TTC23: variants seen among roughly 807,000 people sequenced by gnomAD.
TTC23 encodes tetratricopeptide repeat domain 23.
A neutral mutation model predicts 55.1 loss-of-function variants in TTC23; 58 were observed. The observed-to-expected ratio is 1.05, with a 90% CI of 0.85 to 1.31. TTC23 has a LOEUF of 1.31. Among genes scored for constraint, TTC23 ranks in the 50% most tolerant of loss-of-function variants. The pLI is 0.00. For synonymous variants in TTC23, 203 were observed against 199.9 expected, an observed-to-expected ratio of 1.02 and a Z score of -0.13; for missense variants, 516 against 534.4, an observed-to-expected ratio of 0.97 and a Z score of 0.34.
At chr15:99,154,488 A>C (rs1292383471) in intron 12 of TTC23, among the ~76,000 whole-genome samples, 6 of 152,250 alleles carry the variant, frequency 3.9e-5, no homozygotes, top group African/African-American at 1.2e-4. Flanking sequence ...TGAAAGGCTG[A>C]GTTTGGCCTC....
chr15:99,220,803 T>C (rs1238721542), intron 6 of TTC23, among the ~76,000 whole-genome samples: 2 of 152,224 alleles, frequency 1.3e-5, no homozygotes. Flanking sequence ...ACAGAGATGC[T>C]CTTGTCCATC....
chr15:99,197,911 AAAAAAAG>A (rs1409268129), intron 9 of TTC23, among the ~76,000 whole-genome samples: 1 of 152,128 alleles, frequency 6.6e-6, no homozygotes, highest in African/African-American at 2.4e-5. Context: ...CAAACAAAAA[AAAAAAAG>A]AAAAAAGAAA....
chr15:99,154,715 T>A (rs1555498386), intron 12 of TTC23, among the ~76,000 whole-genome samples: 2 of 152,222 alleles, frequency 1.3e-5, no homozygotes, highest in Non-Finnish European at 2.9e-5. Flanking sequence ...TCTGATAATC[T>A]CCACTGATGC....
Position 99,139,320 on chromosome 15 carries a change from G to C in TTC23, c.1223C>G (p.Ser408Cys). The change falls in exon 13 of 14, where the codon TCC becomes TGC. Residue 408 changes from serine to cysteine, a missense_variant. By Grantham distance (112) the Ser-to-Cys change is moderately radical. Coordinates refer to ENST00000394132, the MANE Select transcript of TTC23 (RefSeq NM_001288615.3). The part of the protein sequence containing the change: ...LATQQAMGML[S>C]TAPKVASKPR... Reference sequence around the variant, plus strand: ...AGTGTGAGGGACGCCAACTCACGTGGACAGCATGCCCATGGCCTGCTGGGT... The same window carrying C: ...AGTGTGAGGGACGCCAACTCACGTGCACAGCATGCCCATGGCCTGCTGGGT... 1 of 1,612,526 alleles carries C rather than the reference G, an allele frequency of 6.2e-7. No homozygotes were observed. The highest frequency in any genetic ancestry group is 1.7e-5 in the Admixed American group (1 of 60,006).
At chr15:99,145,930 C>T (rs1471767224) in intron 12 of TTC23, among the ~76,000 whole-genome samples, 1 of 152,202 alleles carries the variant, frequency 6.6e-6, no homozygotes, top group African/African-American at 2.4e-5. Flanking sequence ...AGAGCGGACT[C>T]TTTCAGAAAG....
chr15:99,189,568 C>T (rs1451811795), intron 9 of TTC23, among the ~76,000 whole-genome samples: 1 of 151,658 alleles, frequency 6.6e-6, no homozygotes, highest in African/African-American at 2.4e-5. Context: ...TTTCATGTGC[C>T]TCTGAATGAA....
chr15:99,185,714 CT>C (rs1033086209), intron 9 of TTC23, among the ~76,000 whole-genome samples: 2 of 152,152 alleles, frequency 1.3e-5, no homozygotes, highest in Non-Finnish European at 2.9e-5. Context: ...TTGCCAAAGT[CT>C]ACCATCAGGA....
intron 1 of TTC23, among the ~76,000 whole-genome samples, chr15:99,246,704 A>G (rs938700841): frequency 4.0e-4 from 61 of 152,098 alleles, no homozygotes; most frequent in Non-Finnish European, 5.7e-4. Context: ...GTGGATCACG[A>G]GTTCAGGAGT....
Position 99,214,149 on chromosome 15 carries a change from T to C in TTC23, c.581+4439A>G, listed in dbSNP as rs117602928. Among the ~76,000 whole-genome samples, 402 of 152,214 alleles carry C rather than the reference T, an allele frequency of 2.6e-3. 2 individuals are homozygous for C. The highest frequency in any genetic ancestry group is 4.3e-3 in the Non-Finnish European group (294 of 68,002). On this transcript the variant is annotated intron_variant, in intron 8 of 13. Transcript: ENST00000394132. ...TTATTTAAAGAGACAGAGTTTTGCT[T>C]TGTCATCCAGGCTGGAGTGCAGTGG...
At chr15:99,167,977 T>A (rs1275156890) in intron 10 of TTC23, among the ~76,000 whole-genome samples, 1 of 152,190 alleles carries the variant, frequency 6.6e-6, no homozygotes, top group Non-Finnish European at 1.5e-5. Flanking sequence ...TGAAGCTACT[T>A]AGACCCTGCT....
chr15:99,146,568 G>C (rs1441264977), intron 12 of TTC23, among the ~76,000 whole-genome samples: 1 of 152,236 alleles, frequency 6.6e-6, no homozygotes, highest in Non-Finnish European at 1.5e-5. Flanking sequence ...AGGCCAGGAT[G>C]GTCTGTCCAG....
At chr15:99,184,841 C>T (rs2074514160) in intron 9 of TTC23, among the ~76,000 whole-genome samples, 1 of 152,152 alleles carries the variant, frequency 6.6e-6, no homozygotes, top group Non-Finnish European at 1.5e-5. Context: ...TGTCCCCACC[C>T]AAATCTCATC....
intron 12 of TTC23, among the ~76,000 whole-genome samples, chr15:99,149,630 T>C (rs2151860281): frequency 6.6e-6 from 1 of 152,358 alleles, no homozygotes; most frequent in East Asian, 1.9e-4. Context: ...GCACACTTGG[T>C]GAGCCACTGG....
chr15:99,214,931 C>T (rs985076191), intron 8 of TTC23, among the ~76,000 whole-genome samples: 3 of 138,546 alleles, frequency 2.2e-5, no homozygotes, highest in Non-Finnish European at 4.6e-5. Context: ...TCTTGGCTCA[C>T]AGCAACCTCT....
At chr15:99,214,494 T>G (rs1596744815) in intron 8 of TTC23, among the ~76,000 whole-genome samples, 1 of 106,086 alleles carries the variant, frequency 9.4e-6, no homozygotes. Context: ...GGTGACAGAG[T>G]GAGACTGCAT....
intron 9 of TTC23, among the ~76,000 whole-genome samples, chr15:99,192,300 A>G (rs745664990): frequency 5.3e-5 from 8 of 152,212 alleles, no homozygotes; most frequent in Admixed American, 1.3e-4. Context: ...AAATGTCTCC[A>G]GGGCATGTCA....
At chr15:99,225,440 A>G (rs570205478) in intron 5 of TTC23, among the ~76,000 whole-genome samples, 2 of 152,198 alleles carry the variant, frequency 1.3e-5, no homozygotes, top group Non-Finnish European at 2.9e-5. Flanking sequence ...GAGATGATTT[A>G]CCAGCAAGTG....
intron 2 of TTC23, among the ~76,000 whole-genome samples, chr15:99,244,625 C>A (rs554242656): frequency 6.6e-6 from 1 of 151,854 alleles, no homozygotes; most frequent in Non-Finnish European, 1.5e-5. Context: ...CATACATTAT[C>A]GAAAGAAATT....
chr15:99,224,735 C>A (rs72756886), intron 5 of TTC23, among the ~76,000 whole-genome samples: 13,670 of 152,236 alleles, frequency 0.09, 988 homozygotes, highest in East Asian at 0.31. Flanking sequence ...ATACTTTCAG[C>A]GCAGCACATG....
Sources: gnomAD v4.1 joint callset for allele counts (sites outside exome capture counted in the v4.1 genomes callset) on GRCh38, gnomAD v4.1.1 for gene constraint, MANE v1.5 for transcripts, NCBI Gene and HGNC (gene_info 2026-07-23, HGNC 2026-07-21) for gene names.